Variants in RORA observed in about 807,000 individuals in gnomAD.
RORA encodes nuclear receptor ROR-alpha.
RORA carries 7 observed loss-of-function variants against 69.5 expected under a neutral mutation model. The observed-to-expected ratio is 0.10, with a 90% CI of 0.06 to 0.19. RORA has a LOEUF of 0.19. RORA is among the 10% of genes least tolerant of loss of function. The probability of loss-of-function intolerance (pLI) is 1.00; values close to 1 mark genes in which losing one functional copy is unlikely to be tolerated. For missense variants in RORA, 457 were observed against 663.0 expected (o/e 0.69, Z 3.41); for synonymous variants, 261 against 240.8 (o/e 1.08, Z -0.78).
chr15:60,582,880 C>T (rs1338412950), intron 2 of RORA, among the ~76,000 whole-genome samples: 1 of 152,142 alleles, frequency 6.6e-6, no homozygotes, highest in African/African-American at 2.4e-5. Flanking sequence ...CCCATGAGGC[C>T]ATAAGCATTT....
At chr15:61,216,099 C>T (rs1221486898) in intron 1 of RORA, among the ~76,000 whole-genome samples, 1 of 152,170 alleles carries the variant, frequency 6.6e-6, no homozygotes, top group African/African-American at 2.4e-5. Flanking sequence ...TTTTAGCCAG[C>T]TATGCCTCTA....
In RORA at chr15:60,997,039, T is replaced by TTGTGTGTGTG. The variant is rs10687177; in HGVS notation, c.166+232004_166+232013dup. Among the ~76,000 whole-genome samples the TTGTGTGTGTG allele has an allele frequency of 3.2e-4, 47 of 148,424 alleles. 1 individual carries two copies. The highest frequency in any genetic ancestry group is 6.9e-3 in the Middle Eastern group (2 of 288). On this transcript the variant is annotated intron_variant, in intron 1 of 10. Transcript: ENST00000335670. ...ATGGAAGAAGAGATGATATTGGGGT[T>TTGTGTGTGTG]TGTGTGTGTGTGTGTGTGTGTGTGT...
chr15:60,630,884 C>CTTTCTTTT (rs1170680228), intron 2 of RORA, among the ~76,000 whole-genome samples: 7 of 70,198 alleles, frequency 1.0e-4, no homozygotes, highest in African/African-American at 3.7e-4. Context: ...CAGGATGAGA[C>CTTTCTTTT]TTTCTTTTTT....
chr15:60,635,486 G>A (rs1265523981), intron 2 of RORA, among the ~76,000 whole-genome samples: 1 of 152,172 alleles, frequency 6.6e-6, no homozygotes, highest in African/African-American at 2.4e-5. Context: ...GTAGGAGGTT[G>A]TCAAGTTGTC....
chr15:61,038,512 T>C (rs1369281093), intron 1 of RORA, among the ~76,000 whole-genome samples: 2 of 152,214 alleles, frequency 1.3e-5, no homozygotes, highest in African/African-American at 4.8e-5. Context: ...CAGCTGCCGT[T>C]ATCAGCCAAT....
intron 1 of RORA, among the ~76,000 whole-genome samples, chr15:60,845,909 G>C (rs1462696142): frequency 6.6e-6 from 1 of 152,102 alleles, no homozygotes; most frequent in Non-Finnish European, 1.5e-5. Context: ...ACCACACCCG[G>C]CTAATTTTTG....
chr15:61,207,543 G>A (rs879931232), intron 1 of RORA, among the ~76,000 whole-genome samples: 13 of 152,138 alleles, frequency 8.5e-5, no homozygotes, highest in Non-Finnish European at 1.9e-4. Context: ...CTTCTCTATG[G>A]TTTCTCTTTA....
At chr15:60,927,750 G>A (rs1892258772) in intron 1 of RORA, among the ~76,000 whole-genome samples, 1 of 152,098 alleles carries the variant, frequency 6.6e-6, no homozygotes, top group African/African-American at 2.4e-5. Context: ...CTCCAGCCTG[G>A]GTGACAGAGG....
At chr15:61,227,601 G>A (rs2080159277) in intron 1 of RORA, among the ~76,000 whole-genome samples, 1 of 151,964 alleles carries the variant, frequency 6.6e-6, no homozygotes, top group Non-Finnish European at 1.5e-5. Flanking sequence ...CTGTAAAACA[G>A]CCAGCACATG....
Position 61,147,029 on chromosome 15 carries a change from G to C in RORA, c.166+82024C>G, listed in dbSNP as rs1041397335. 6.6e-6 allele frequency among the ~76,000 whole-genome samples: 1 copy of C among 151,618 alleles called. No homozygotes were observed. The highest frequency in any genetic ancestry group is 2.4e-5 in the African/African-American group (1 of 41,228). On this transcript the variant is annotated intron_variant, in intron 1 of 10. Transcript: ENST00000335670. This position sits in a 1 kb window ranked among gnomAD's most constrained non-coding sequence, Gnocchi z 4.1. Reference sequence around the variant, plus strand: ...GCTATTCATGGTGGGGGGCAGTCACGGGGGAACTAAATGGATTCCATTTCC... The same window carrying C: ...GCTATTCATGGTGGGGGGCAGTCACCGGGGAACTAAATGGATTCCATTTCC...
At chr15:61,207,637 G>A (rs139265993) in intron 1 of RORA, among the ~76,000 whole-genome samples, 1,775 of 152,260 alleles carry the variant, frequency 0.012, 15 homozygotes, top group Middle Eastern at 0.058. Context: ...GGCAGTCTTC[G>A]TGATTCCGAG....
intron 2 of RORA, among the ~76,000 whole-genome samples, chr15:60,632,789 A>G (rs1196717545): frequency 6.6e-6 from 1 of 152,146 alleles, no homozygotes; most frequent in African/African-American, 2.4e-5. Flanking sequence ...GATTATCTGC[A>G]TTCTCTCTAT....
intron 1 of RORA, among the ~76,000 whole-genome samples, chr15:61,089,799 A>C (rs1328348174): frequency 6.6e-6 from 1 of 152,188 alleles, no homozygotes; most frequent in Non-Finnish European, 1.5e-5. Context: ...TCTGTAGCCC[A>C]CCGAGCAGTG....
chr15:60,637,944 T>C (rs938905714), intron 2 of RORA, among the ~76,000 whole-genome samples: 1 of 152,130 alleles, frequency 6.6e-6, no homozygotes, highest in Non-Finnish European at 1.5e-5. Context: ...GCCTTTAAAG[T>C]TTTAGGTCTT....
At chr15:61,003,827 G>C (rs149134117) in intron 1 of RORA, among the ~76,000 whole-genome samples, 5 of 152,296 alleles carry the variant, frequency 3.3e-5, no homozygotes, top group Non-Finnish European at 7.3e-5. Flanking sequence ...CACTCCAGCC[G>C]TAGCTAACAA....
chr15:60,719,247 G>C (rs1232598785), intron 1 of RORA, among the ~76,000 whole-genome samples: 1 of 151,922 alleles, frequency 6.6e-6, no homozygotes, highest in African/African-American at 2.4e-5. Flanking sequence ...GAAGTATTTA[G>C]TGTTGAGATG....
chr15:60,714,286 T>C (rs1007778016), intron 1 of RORA, among the ~76,000 whole-genome samples: 1 of 152,136 alleles, frequency 6.6e-6, no homozygotes, highest in Non-Finnish European at 1.5e-5. Flanking sequence ...CTCCAACTCC[T>C]GACCCCAGGT....
intron 1 of RORA, among the ~76,000 whole-genome samples, chr15:61,126,355 CT>C (rs950629821): frequency 6.6e-6 from 1 of 152,096 alleles, no homozygotes; most frequent in African/African-American, 2.4e-5. Context: ...ACTTACACAC[CT>C]TTTTTTGTAC....
chr15:60,583,158 A>C (rs896759578), intron 2 of RORA, among the ~76,000 whole-genome samples: 1 of 152,276 alleles, frequency 6.6e-6, no homozygotes, highest in African/African-American at 2.4e-5. Flanking sequence ...CCTTCTCCAC[A>C]CCAGCCAGAG....
Sources: gnomAD v4.1 joint callset for allele counts (sites outside exome capture counted in the v4.1 genomes callset) on GRCh38, gnomAD v4.1.1 for gene constraint, Gnocchi (gnomAD v3.1) non-coding constraint, MANE v1.5 for transcripts, NCBI Gene and HGNC (gene_info 2026-07-23, HGNC 2026-07-21) for gene names.